The following SLC9A9 variants were observed in gnomAD, a reference collection of about 807,000 sequenced individuals.
SLC9A9 encodes the protein sodium/hydrogen exchanger 9.
Under a neutral mutation model 77.8 loss-of-function variants are expected in SLC9A9, and 62 were observed. The observed-to-expected ratio is 0.80, with a 90% CI of 0.65 to 0.98. SLC9A9 has a LOEUF of 0.98. SLC9A9 is among the 50% of genes least tolerant of loss of function. The probability of loss-of-function intolerance (pLI) is 0.00; values close to 1 mark genes in which losing one functional copy is unlikely to be tolerated. For synonymous variants in SLC9A9, 320 were observed against 283.5 expected (o/e 1.13, Z -1.29); for missense variants, 775 against 774.9 (o/e 1.00, Z 0.00).
At chr3:143,552,980 A>G (rs1180835444) in intron 8 of SLC9A9, among the ~76,000 whole-genome samples, 1 of 152,136 alleles carries the variant, frequency 6.6e-6, no homozygotes, top group Non-Finnish European at 1.5e-5. Context: ...CAACGCTCCT[A>G]CTTGCCAAGC....
chr3:143,580,383 A>G (rs1451591561), intron 6 of SLC9A9, among the ~76,000 whole-genome samples: 1 of 152,204 alleles, frequency 6.6e-6, no homozygotes, highest in East Asian at 1.9e-4. Flanking sequence ...GATCTGACCC[A>G]TAGAACAAGC....
At chr3:143,589,046 CAT>C in intron 6 of SLC9A9, among the ~76,000 whole-genome samples, 2 of 152,248 alleles carry the variant, frequency 1.3e-5, no homozygotes, top group Middle Eastern at 6.8e-3. Context: ...AAAATATAAT[CAT>C]AAACAGGTGC....
chr3:143,360,096 A>G (rs1027713326), intron 14 of SLC9A9, among the ~76,000 whole-genome samples: 1 of 152,202 alleles, frequency 6.6e-6, no homozygotes, highest in African/African-American at 2.4e-5. Flanking sequence ...AAGTTTGTTT[A>G]GGTATCTTGA....
chr3:143,740,245 G>T (rs1935044223), intron 4 of SLC9A9, among the ~76,000 whole-genome samples: 1 of 152,162 alleles, frequency 6.6e-6, no homozygotes, highest in African/African-American at 2.4e-5. Context: ...AAAAATGAGA[G>T]AGAGAGATAT....
chr3:143,455,931 C>T (rs888394263), intron 12 of SLC9A9, among the ~76,000 whole-genome samples: 1 of 151,604 alleles, frequency 6.6e-6, no homozygotes, highest in Non-Finnish European at 1.5e-5. Context: ...CTAAGATTAC[C>T]AGGACAATAT....
chr3:143,565,584 C>T (rs2037154448), intron 8 of SLC9A9, among the ~76,000 whole-genome samples: 1 of 152,094 alleles, frequency 6.6e-6, no homozygotes, highest in Non-Finnish European at 1.5e-5. Flanking sequence ...ATACTTTACA[C>T]CTGTGTTTAT....
At chr3:143,611,007 C>T (rs151307224) in intron 6 of SLC9A9, among the ~76,000 whole-genome samples, 1 of 151,950 alleles carries the variant, frequency 6.6e-6, no homozygotes, top group Non-Finnish European at 1.5e-5. Context: ...AAAGCAAACA[C>T]AATTTAAGGT....
chr3:143,776,011 A>G (rs910519558), intron 4 of SLC9A9, among the ~76,000 whole-genome samples: 2 of 152,176 alleles, frequency 1.3e-5, no homozygotes, highest in Admixed American at 1.3e-4. Flanking sequence ...TGTGCTATGA[A>G]TCTGGCTTAT....
intron 5 of SLC9A9, among the ~76,000 whole-genome samples, chr3:143,685,545 A>G (rs1380492033): frequency 6.6e-6 from 1 of 152,186 alleles, no homozygotes; most frequent in Non-Finnish European, 1.5e-5. Flanking sequence ...GTCTCAATGC[A>G]GCTGCATCAT....
chr3:143,739,801 C>T (rs1189693622), intron 4 of SLC9A9, among the ~76,000 whole-genome samples: 1 of 152,186 alleles, frequency 6.6e-6, no homozygotes, highest in Non-Finnish European at 1.5e-5. Context: ...GCTTCAGTAT[C>T]TCCTGGGAAT....
At chr3:143,645,478 C>A (rs2038689856) in intron 6 of SLC9A9, among the ~76,000 whole-genome samples, 1 of 152,078 alleles carries the variant, frequency 6.6e-6, no homozygotes, top group African/African-American at 2.4e-5. Flanking sequence ...TCTTTGTCAC[C>A]AACACTTGGC....
chr3:143,308,364 C>CTCCCTCATGATCGAGG (rs1371865675), intron 14 of SLC9A9, among the ~76,000 whole-genome samples: 2 of 152,054 alleles, frequency 1.3e-5, no homozygotes, highest in Non-Finnish European at 2.9e-5. Context: ...ATCACGAGGC[C>CTCCCTCATGATCGAGG]AGGAGATCGA....
chr3:143,376,047 C>T (rs569523371), intron 13 of SLC9A9, among the ~76,000 whole-genome samples: 1 of 152,092 alleles, frequency 6.6e-6, no homozygotes, highest in Admixed American at 6.5e-5. Context: ...CAGGTTGACC[C>T]TCTCCTCCTG....
At chr3:143,705,137 T>C (rs1441443821) in intron 4 of SLC9A9, among the ~76,000 whole-genome samples, 2 of 151,742 alleles carry the variant, frequency 1.3e-5, no homozygotes, top group Non-Finnish European at 2.9e-5. Flanking sequence ...ATCCTGTCAT[T>C]TGCAACAACC....
chr3:143,266,979 C>A, intron 15 of SLC9A9, 50 bp from the exon 16 acceptor site: 19 of 1,495,040 alleles, frequency 1.3e-5, no homozygotes, highest in Non-Finnish European at 1.5e-5. Flanking sequence ...AGGCAGAAAA[C>A]AATAGCAGTC....
At chr3:143,701,943 A>G (rs1933813537) in intron 4 of SLC9A9, among the ~76,000 whole-genome samples, 7 of 152,192 alleles carry the variant, frequency 4.6e-5, no homozygotes, top group Admixed American at 4.6e-4. Flanking sequence ...AACATACAAT[A>G]GGGCTCCAAT....
intron 14 of SLC9A9, among the ~76,000 whole-genome samples, chr3:143,323,839 C>T (rs2031495395): frequency 6.6e-6 from 1 of 152,128 alleles, no homozygotes; most frequent in East Asian, 1.9e-4. Flanking sequence ...CCTCAACATA[C>T]AGCTCCATTT....
intron 5 of SLC9A9, among the ~76,000 whole-genome samples, chr3:143,662,762 C>T (rs551753109): frequency 6.6e-6 from 1 of 152,090 alleles, no homozygotes; most frequent in Non-Finnish European, 1.5e-5. Context: ...GGGGTGTCTG[C>T]CATTGCTGAG....
intron 4 of SLC9A9, among the ~76,000 whole-genome samples, chr3:143,694,118 A>T (rs1933559248): frequency 1.3e-5 from 2 of 152,162 alleles, no homozygotes; most frequent in African/African-American, 4.8e-5. Context: ...GAGTCTTTAG[A>T]AACTATAGAC....
Sources: gnomAD v4.1 joint callset for allele counts (sites outside exome capture counted in the v4.1 genomes callset) on GRCh38, gnomAD v4.1.1 for gene constraint, MANE v1.5 for transcripts, NCBI Gene and HGNC (gene_info 2026-07-23, HGNC 2026-07-21) for gene names.